ADRA1A: variants seen among roughly 807,000 people sequenced by gnomAD.
ADRA1A encodes the protein adrenoceptor alpha 1A, also known as alpha-1A adrenergic receptor.
Under a neutral mutation model 29.6 loss-of-function variants are expected in ADRA1A, and 31 were observed. The ratio of observed to expected loss-of-function variants is 1.05; its 90% CI spans 0.79 to 1.41. The LOEUF (loss-of-function observed/expected upper bound fraction) is 1.41, where lower values mean the gene tolerates loss of function less well. Ranked by LOEUF, ADRA1A falls within the 40% of genes most tolerant of loss-of-function variation. The pLI, the probability that ADRA1A is intolerant of heterozygous loss-of-function variation, is 0.00. For synonymous variants in ADRA1A, 311 were observed against 254.3 expected (o/e 1.22, Z -2.12); for missense variants, 619 against 601.1 (o/e 1.03, Z -0.31).
Position 26,825,701 on chromosome 8 carries a change from T to C in ADRA1A, c.883+38386A>G, listed in dbSNP as rs1158258260. On this transcript the variant is annotated intron_variant, in intron 2 of 2. Transcript: ENST00000380573. The surrounding 1 kb of genome is among the most constrained non-coding windows in gnomAD (Gnocchi z 5.7). The stretch of plus-strand genomic sequence containing the variant: ...AATCAAAATTTAGCTTGTAATGATA[T>C]ATGAATTGCACATGCACGCTAATTT... Among the ~76,000 whole-genome samples the C allele has an allele frequency of 3.9e-5, 6 of 152,368 alleles. No homozygotes were observed. Among genetic ancestry groups the C allele is most frequent in the African/African-American group, 7.2e-5 (3 of 41,592 alleles).
At chr8:26,822,993 C>A (rs959025398) in intron 2 of ADRA1A, among the ~76,000 whole-genome samples, 1 of 152,164 alleles carries the variant, frequency 6.6e-6, no homozygotes, top group Non-Finnish European at 1.5e-5. Flanking sequence ...AGTCACCTCC[C>A]ACCAGGCCCC....
chr8:26,780,945 C>A (rs1806939283), intron 2 of ADRA1A, among the ~76,000 whole-genome samples: 2 of 152,208 alleles, frequency 1.3e-5, no homozygotes, highest in South Asian at 4.1e-4. Flanking sequence ...AGGGCTCCCA[C>A]TGATTCTACA....
At chr8:26,856,584 G>A (rs1395880999) in intron 2 of ADRA1A, among the ~76,000 whole-genome samples, 1 of 152,094 alleles carries the variant, frequency 6.6e-6, no homozygotes, top group Non-Finnish European at 1.5e-5. Context: ...CCCCACTAAA[G>A]TCTTCGCACG....
At chr8:26,750,125 C>T (rs1476321449) in intron 2 of ADRA1A, among the ~76,000 whole-genome samples, 1 of 152,182 alleles carries the variant, frequency 6.6e-6, no homozygotes, top group Non-Finnish European at 1.5e-5. Context: ...GGCCTGTTTT[C>T]TGGTTCATAG....
downstream of ADRA1A, among the ~76,000 whole-genome samples, chr8:26,768,318 G>GA (rs1429719856): frequency 1.1e-4 from 17 of 152,198 alleles, no homozygotes; most frequent in Non-Finnish European, 2.1e-4. Flanking sequence ...CCTAATAGAG[G>GA]AAAGAGGCCA....
intron 2 of ADRA1A, chr8:26,779,376 G>T (rs770107563): frequency 1.4e-6 from 1 of 702,800 alleles, no homozygotes; most frequent in Non-Finnish European, 2.6e-6. Flanking sequence ...ATGGTGAACT[G>T]GTTGTTTAAA....
chr8:26,864,983 G>A lies in ADRA1A; in HGVS notation c.-14C>T. 1 of 1,580,390 alleles carries A rather than the reference G, an allele frequency of 6.3e-7. No individual in the cohort carries two copies. The highest frequency in any genetic ancestry group is 2.2e-5 in the East Asian group (1 of 44,660). Reference sequence around the variant, plus strand: ...GAGAAACACCATGGTCCCAGCCGGGGCCGGGCGAGGTCCGGCTGTCCAGGG... The same window carrying A: ...GAGAAACACCATGGTCCCAGCCGGGACCGGGCGAGGTCCGGCTGTCCAGGG... On this transcript the variant is annotated 5_prime_UTR_variant, in exon 2 of 3. Coordinates refer to ENST00000380573, the MANE Select transcript of ADRA1A (RefSeq NM_000680.4). This position sits in a 1 kb window ranked among gnomAD's most constrained non-coding sequence, Gnocchi z 8.1.
intron 2 of ADRA1A, among the ~76,000 whole-genome samples, chr8:26,759,940 G>A (rs61759715): frequency 1.2e-4 from 19 of 152,150 alleles, no homozygotes; most frequent in Middle Eastern, 6.3e-3. Context: ...GGTGCATCAC[G>A]TGACTCTAGA....
rs1813829313 is a variant in ADRA1A, at chr8:26,865,321, A to G, written c.-352T>C. The G allele has an allele frequency of 9.0e-7, 1 of 1,106,486 alleles. No individual in the cohort carries two copies. Among genetic ancestry groups the G allele is most frequent in the Non-Finnish European group, 1.1e-6 (1 of 906,990 alleles). The allele number at this position is 1,106,486 out of a possible 1,614,324, so 68.5% of individuals were successfully genotyped here. A position where few individuals can be genotyped will look rare whatever the true frequency, so the allele number is the denominator to read the frequency against. The stretch of plus-strand genomic sequence containing the variant: ...GAGACTCCTTGCAACATGCAATTCC[A>G]GAATTACGAGAATCTGCTTTTCCGC... On this transcript the variant is annotated 5_prime_UTR_variant, in exon 2 of 3. Transcript: ENST00000380573. This position sits in a 1 kb window ranked among gnomAD's most constrained non-coding sequence, Gnocchi z 7.6.
Position 26,865,902 on chromosome 8 carries a change from C to CA in ADRA1A, c.-686-248dup, listed in dbSNP as rs3842197. On this transcript the variant is annotated intron_variant, in intron 1 of 2. Coordinates refer to ENST00000380573, the MANE Select transcript of ADRA1A (RefSeq NM_000680.4). This position sits in a 1 kb window ranked among gnomAD's most constrained non-coding sequence, Gnocchi z 7.6. ...TTCAGGATCCGAAGCGAAAAACAAA[C>CA]AAAAAAACAAATCCCCAAAACCCCA... 0.53 allele frequency among the ~76,000 whole-genome samples: 79,684 copies of CA among 151,722 alleles called. 21,810 individuals are homozygous for CA. The highest frequency in any genetic ancestry group is 0.62 in the Non-Finnish European group (41,985 of 67,880).
At position 26,865,063 on chromosome 8, in the gene ADRA1A, C is replaced by A; in HGVS notation, c.-94G>T. 6.6e-7 allele frequency: 1 copy of A among 1,515,090 alleles called. No individual in the cohort carries two copies. The highest frequency in any genetic ancestry group is 1.3e-5 in the South Asian group (1 of 76,046). 93.9% of individuals were successfully genotyped at this position (1,515,090 alleles called of 1,614,324 possible). ...GCGCGGGAGCCGGGAATCAAAAGGT[C>A]TCGGCTGGAGGGAGCCCTGCCAGGT... On this transcript the variant is annotated 5_prime_UTR_variant, in exon 2 of 3. Transcript: ENST00000380573. This position sits in a 1 kb window ranked among gnomAD's most constrained non-coding sequence, Gnocchi z 7.6.
intron 2 of ADRA1A, among the ~76,000 whole-genome samples, chr8:26,839,636 T>C (rs1811672228): frequency 6.6e-6 from 1 of 152,162 alleles, no homozygotes; most frequent in Non-Finnish European, 1.5e-5. Context: ...ATAAAGTAAA[T>C]AAAAGATATT....
chr8:26,859,832 G>A (rs376051118), intron 2 of ADRA1A, among the ~76,000 whole-genome samples: 1 of 150,518 alleles, frequency 6.6e-6, no homozygotes, highest in East Asian at 2.0e-4. Context: ...GCAGTGGTGT[G>A]ACTCAGCTCA....
intron 2 of ADRA1A, chr8:26,772,255 G>C (rs1418663202): frequency 6.6e-6 from 1 of 152,148 alleles, no homozygotes; most frequent in Non-Finnish European, 1.5e-5. Flanking sequence ...AAGGGTATGG[G>C]ACTCCCAATC....
At chr8:26,757,859 G>GCACACGCACACA (rs1554489126) in intron 2 of ADRA1A, among the ~76,000 whole-genome samples, 4 of 151,294 alleles carry the variant, frequency 2.6e-5, no homozygotes, top group Admixed American at 6.6e-5. Context: ...ATAAGCACAC[G>GCACACGCACACA]CACACACACA....
chr8:26,803,878 CCTA>C (rs1410971888), intron 2 of ADRA1A, among the ~76,000 whole-genome samples: 3 of 150,982 alleles, frequency 2.0e-5, no homozygotes, highest in Non-Finnish European at 4.4e-5. Flanking sequence ...CTACCACATA[CCTA>C]CTACAATCAC....
intron 2 of ADRA1A, among the ~76,000 whole-genome samples, chr8:26,804,635 T>C (rs1157938173): frequency 6.6e-6 from 1 of 152,158 alleles, no homozygotes; most frequent in Non-Finnish European, 1.5e-5. Context: ...TGCTCTGACT[T>C]ATCTGACATA....
At chr8:26,853,156 T>G (rs1336939695) in intron 2 of ADRA1A, among the ~76,000 whole-genome samples, 1 of 152,202 alleles carries the variant, frequency 6.6e-6, no homozygotes, top group Non-Finnish European at 1.5e-5. Context: ...ATTTTAAATC[T>G]AGATCTGTAT....
At position 26,823,714 on chromosome 8, in the gene ADRA1A, C is replaced by T. The variant is rs894052717; in HGVS notation, c.883+40373G>A. ...GGCCTAGGACCCCTACCAGGACCAT[C>T]ATTTCATCACTCATACTTGACACCT... On this transcript the variant is annotated intron_variant, in intron 2 of 2. Coordinates refer to ENST00000380573, the MANE Select transcript of ADRA1A (RefSeq NM_000680.4). This position sits in a 1 kb window ranked among gnomAD's most constrained non-coding sequence, Gnocchi z 4.2. Among the ~76,000 whole-genome samples the T allele has an allele frequency of 6.6e-6, 1 of 152,120 alleles. No homozygotes were observed. Among genetic ancestry groups the T allele is most frequent in the Non-Finnish European group, 1.5e-5 (1 of 68,024 alleles).
Sources: allele counts gnomAD v4.1 joint callset (sites outside exome capture counted in the v4.1 genomes callset), GRCh38; gene constraint gnomAD v4.1.1; non-coding constraint Gnocchi (gnomAD v3.1); transcripts MANE v1.5; gene names NCBI Gene and HGNC (gene_info 2026-07-23, HGNC 2026-07-21).